Variants in NAA11 observed in about 807,000 individuals in gnomAD.
NAA11 encodes the protein N-alpha-acetyltransferase 11, NatA catalytic subunit, also known as N-alpha-acetyltransferase 11.
NAA11 carries 15 observed loss-of-function variants against 16.1 expected under a neutral mutation model. That is an observed-to-expected ratio of 0.93 (90% CI 0.62 to 1.44). The LOEUF is 1.44. Among genes scored for constraint, NAA11 ranks in the 40% most tolerant of loss-of-function variants. NAA11 has a pLI of 0.00. For synonymous variants in NAA11, 122 were observed against 112.4 expected (o/e 1.09, Z -0.54); for missense variants, 298 against 291.3 (o/e 1.02, Z -0.17).
chr4:79,174,814 A>G, the NAA11 span, among the ~76,000 whole-genome samples: 1 of 152,180 alleles, frequency 6.6e-6, no homozygotes, highest in South Asian at 2.1e-4. Flanking sequence ...CAGGAACTCA[A>G]ACAGACCAAA....
At chr4:79,239,857 C>CT (rs1404160354) in intron 2 of NAA11, among the ~76,000 whole-genome samples, 1 of 152,194 alleles carries the variant, frequency 6.6e-6, no homozygotes, top group Admixed American at 6.5e-5. Context: ...ATTTCCCCAG[C>CT]TAGCCCACTG....
chr4:79,272,010 A>T (rs1315827241), intron 2 of NAA11, among the ~76,000 whole-genome samples: 3 of 151,946 alleles, frequency 2.0e-5, no homozygotes, highest in Admixed American at 2.0e-4. Context: ...ACACACACAC[A>T]CATATATATA....
chr4:79,173,185 G>A, the NAA11 span, among the ~76,000 whole-genome samples: 2 of 152,150 alleles, frequency 1.3e-5, no homozygotes, highest in Non-Finnish European at 2.9e-5. Context: ...TGAACTTGAG[G>A]TTAGATGAAA....
At chr4:79,258,395 G>C (rs978240073) in intron 2 of NAA11, among the ~76,000 whole-genome samples, 2 of 152,276 alleles carry the variant, frequency 1.3e-5, no homozygotes, top group African/African-American at 2.4e-5. Context: ...TGCTCCCGCT[G>C]TCTGCCTTCT....
chr4:79,200,312 T>TTG, the NAA11 span, among the ~76,000 whole-genome samples: 1 of 151,884 alleles, frequency 6.6e-6, no homozygotes, highest in Non-Finnish European at 1.5e-5. Flanking sequence ...CTGTTGTTAT[T>TTG]TGCTGGGCCT....
chr4:79,192,975 C>A, the NAA11 span, among the ~76,000 whole-genome samples: 1 of 152,122 alleles, frequency 6.6e-6, no homozygotes, highest in South Asian at 2.1e-4. Context: ...TCTCTGATGG[C>A]CAGTGATGAT....
intron 2 of NAA11, among the ~76,000 whole-genome samples, chr4:79,237,464 A>T (rs1008375122): frequency 5.9e-5 from 9 of 152,178 alleles, no homozygotes; most frequent in Admixed American, 5.2e-4. Context: ...TGTGATTTTT[A>T]AATTCTATTT....
the NAA11 span, among the ~76,000 whole-genome samples, chr4:79,188,054 A>G: frequency 6.6e-6 from 1 of 151,736 alleles, no homozygotes; most frequent in Non-Finnish European, 1.5e-5. Context: ...CATTAACAAC[A>G]ACAAAACAGA....
At chr4:79,158,698 G>GATATATATATATATATATATATATAT in the NAA11 span, among the ~76,000 whole-genome samples, 418 of 111,784 alleles carry the variant, frequency 3.7e-3, 9 homozygotes, top group Middle Eastern at 0.013. Context: ...CACATTACCT[G>GATATATATATATATATATATATATAT]ATATATATAT....
chr4:79,219,669 T>C, the NAA11 span, among the ~76,000 whole-genome samples: 1 of 152,204 alleles, frequency 6.6e-6, no homozygotes, highest in East Asian at 1.9e-4. Context: ...ATCACATATA[T>C]ACCTCCATTT....
intron 2 of NAA11, among the ~76,000 whole-genome samples, chr4:79,232,506 G>A (rs1267665186): frequency 1.3e-5 from 2 of 152,032 alleles, no homozygotes; most frequent in Admixed American, 6.6e-5. Flanking sequence ...ACAATAGTTT[G>A]TTGGCTTTCA....
chr4:79,190,766 C>G, the NAA11 span, among the ~76,000 whole-genome samples: 1 of 151,920 alleles, frequency 6.6e-6, no homozygotes, highest in African/African-American at 2.4e-5. Context: ...TATTTCCTCA[C>G]CCGGGTATTA....
At chr4:79,313,353 T>C (rs1462035481), downstream of NAA11, among the ~76,000 whole-genome samples, 1 of 152,212 alleles carries the variant, frequency 6.6e-6, no homozygotes, top group African/African-American at 2.4e-5. Context: ...TGCTAGAGGA[T>C]ATCCACGTGG....
intron 1 of NAA11, among the ~76,000 whole-genome samples, chr4:79,303,741 T>C (rs924642479): frequency 2.0e-5 from 3 of 152,176 alleles, no homozygotes; most frequent in Non-Finnish European, 2.9e-5. Flanking sequence ...TCAGACTCCT[T>C]GGTAGGTTTA....
chr4:79,271,424 G>A (rs933671839), intron 2 of NAA11, among the ~76,000 whole-genome samples: 1 of 151,848 alleles, frequency 6.6e-6, no homozygotes, highest in African/African-American at 2.4e-5. Flanking sequence ...TGGGTAGGAA[G>A]AATCAATATT....
At chr4:79,213,842 A>G in the NAA11 span, among the ~76,000 whole-genome samples, 1 of 152,188 alleles carries the variant, frequency 6.6e-6, no homozygotes, top group Admixed American at 6.5e-5. Flanking sequence ...CTTCACAGAA[A>G]TACTGATGAC....
chr4:79,310,639 A>G (rs953754218), intron 1 of NAA11, among the ~76,000 whole-genome samples: 2 of 152,234 alleles, frequency 1.3e-5, no homozygotes, highest in Non-Finnish European at 2.9e-5. Flanking sequence ...GACACCCCAC[A>G]GAGTCCCAGT....
At chr4:79,293,834 A>C (rs1212784777) in intron 2 of NAA11, among the ~76,000 whole-genome samples, 1 of 152,198 alleles carries the variant, frequency 6.6e-6, no homozygotes. Flanking sequence ...TTCCCAGTGC[A>C]ACAGTGTTAA....
intron 2 of NAA11, among the ~76,000 whole-genome samples, chr4:79,243,932 T>C (rs562127840): frequency 6.6e-6 from 1 of 152,224 alleles, no homozygotes; most frequent in East Asian, 1.9e-4. Flanking sequence ...GCTTTCCGCA[T>C]GTGCAGGGTT....
Sources: gnomAD v4.1 joint callset for allele counts (sites outside exome capture counted in the v4.1 genomes callset) on GRCh38, gnomAD v4.1.1 for gene constraint, MANE v1.5 for transcripts, NCBI Gene and HGNC (gene_info 2026-07-23, HGNC 2026-07-21) for gene names.